VAC14: variants seen among roughly 807,000 people sequenced by gnomAD.
VAC14 encodes the protein VAC14 component of PIKFYVE complex.
Under a neutral mutation model 85.3 loss-of-function variants are expected in VAC14, and 47 were observed. The observed-to-expected ratio is 0.55, with a 90% CI of 0.44 to 0.70. VAC14 has a LOEUF of 0.70. Among genes scored for constraint, VAC14 ranks in the 30% least tolerant of loss-of-function variants. The pLI is 0.00. For missense variants in VAC14, 861 were observed against 1,004.3 expected (o/e 0.86, Z 1.93); for synonymous variants, 447 against 430.5 (o/e 1.04, Z -0.47).
At chr16:70,768,726 A>G in intron 10 of VAC14, 1 of 430,250 alleles carries the variant, frequency 2.3e-6, no homozygotes, top group South Asian at 1.6e-5. Flanking sequence ...TTCATAAAAA[A>G]TCTGGGATGC....
At chr16:70,721,707 G>A (rs117006983) in intron 14 of VAC14, among the ~76,000 whole-genome samples, 2,046 of 152,284 alleles carry the variant, frequency 0.013, 32 homozygotes, top group Non-Finnish European at 0.018. Flanking sequence ...CAGCCATTGT[G>A]CCTCTCTGGG....
At chr16:70,774,653 G>A (rs2033422085) in intron 9 of VAC14, among the ~76,000 whole-genome samples, 1 of 151,898 alleles carries the variant, frequency 6.6e-6, no homozygotes, top group South Asian at 2.1e-4. Flanking sequence ...TTTGCCTGAT[G>A]GTGATTTCTG....
chr16:70,784,381 C>T (rs1239128341), intron 4 of VAC14, among the ~76,000 whole-genome samples, 161 bp from the exon 5 acceptor site: 6 of 152,166 alleles, frequency 3.9e-5, no homozygotes, highest in Non-Finnish European at 8.8e-5. Context: ...TTCATCCTGT[C>T]CCAGTCCACG....
chr16:70,765,045 C>T (rs1160616202), intron 10 of VAC14, among the ~76,000 whole-genome samples: 1 of 152,178 alleles, frequency 6.6e-6, no homozygotes, highest in East Asian at 1.9e-4. Flanking sequence ...AGAGATGCCG[C>T]CCTACAGCCC....
chr16:70,751,631 A>G (rs879682546), intron 12 of VAC14, among the ~76,000 whole-genome samples: 1 of 152,198 alleles, frequency 6.6e-6, no homozygotes, highest in Admixed American at 6.5e-5. Flanking sequence ...CACATATGGA[A>G]TGGCTCTTGT....
chr16:70,782,068 A>G, intron 7 of VAC14, 65 bp from the exon 8 acceptor site: 1 of 1,580,112 alleles, frequency 6.3e-7, no homozygotes, highest in East Asian at 2.3e-5. Context: ...CCTCCCATTG[A>G]CCATACACGT....
At chr16:70,718,907 C>T (rs1324987934) in intron 14 of VAC14, among the ~76,000 whole-genome samples, 2 of 152,204 alleles carry the variant, frequency 1.3e-5, no homozygotes, top group African/African-American at 4.8e-5. Context: ...ACAAAGACTG[C>T]AGAGATCTTG....
At chr16:70,761,062 T>A in intron 12 of VAC14, 1 of 386,328 alleles carries the variant, frequency 2.6e-6, no homozygotes, top group Non-Finnish European at 5.2e-6. Context: ...AAGGGCATAC[T>A]CACAGACCAT....
Position 70,780,730 on chromosome 16 carries a change from T to C in VAC14, c.1096+60A>G, listed in dbSNP as rs1015328674. The C allele has an allele frequency of 1.1e-5, 17 of 1,519,162 alleles. No homozygotes were observed. The Admixed American group carries it at 3.6e-4, about 32-fold the overall frequency. 94.1% of individuals were successfully genotyped at this position (1,519,162 alleles called of 1,614,324 possible). Reference sequence around the variant, plus strand: ...AAGTGAGGCCCCAAGGCAACTCCTATGACATCTGGCTCCCTGGGCCCCCGA... The same window carrying C: ...AAGTGAGGCCCCAAGGCAACTCCTACGACATCTGGCTCCCTGGGCCCCCGA... On this transcript the variant is annotated intron_variant, in intron 9 of 18. Transcript: ENST00000261776.
intron 13 of VAC14, among the ~76,000 whole-genome samples, chr16:70,737,234 G>GC (rs1297852149): frequency 1.3e-5 from 2 of 152,256 alleles, no homozygotes; most frequent in African/African-American, 2.4e-5. Flanking sequence ...GCTGGGTGCT[G>GC]CAGGCGCATG....
intron 6 of VAC14, 101 bp from the exon 7 acceptor site, chr16:70,783,240 C>A: frequency 7.6e-7 from 1 of 1,313,206 alleles, no homozygotes; most frequent in East Asian, 2.3e-5. Context: ...ACCCAGAGGG[C>A]GGCTTGGCTT....
intron 13 of VAC14, among the ~76,000 whole-genome samples, chr16:70,733,758 T>C (rs571756668): frequency 1.3e-5 from 2 of 152,168 alleles, no homozygotes; most frequent in Non-Finnish European, 2.9e-5. Context: ...ATGCTTTCTA[T>C]AAAGCCTGCA....
chr16:70,746,118 A>G (rs2030869174), intron 12 of VAC14, among the ~76,000 whole-genome samples: 1 of 152,200 alleles, frequency 6.6e-6, no homozygotes, highest in Non-Finnish European at 1.5e-5. Flanking sequence ...CAATGCAAAC[A>G]CAGTGCCAGT....
At chr16:70,695,343 C>T (rs2053685268) in intron 17 of VAC14, among the ~76,000 whole-genome samples, 3 of 152,176 alleles carry the variant, frequency 2.0e-5, no homozygotes, top group East Asian at 3.9e-4. Flanking sequence ...GAACTCCTGC[C>T]GTTAAGAGAT....
intron 13 of VAC14, among the ~76,000 whole-genome samples, chr16:70,740,750 C>A (rs1374571272): frequency 6.6e-6 from 1 of 152,230 alleles, no homozygotes; most frequent in Non-Finnish European, 1.5e-5. Flanking sequence ...TGCCCCCAGG[C>A]CACTCTCTCC....
At chr16:70,737,105 C>T (rs1257696939) in intron 13 of VAC14, among the ~76,000 whole-genome samples, 5 of 152,272 alleles carry the variant, frequency 3.3e-5, no homozygotes, top group East Asian at 1.9e-4. Flanking sequence ...AAGCTCACCC[C>T]GGGAGGGTGA....
chr16:70,737,217 G>A (rs922747698), intron 13 of VAC14, among the ~76,000 whole-genome samples: 2 of 152,212 alleles, frequency 1.3e-5, no homozygotes, highest in African/African-American at 2.4e-5. Context: ...TGTAAGCAGG[G>A]TCCTGGGCTG....
intron 14 of VAC14, among the ~76,000 whole-genome samples, chr16:70,701,796 C>T (rs2053833435): frequency 6.6e-6 from 1 of 152,238 alleles, no homozygotes; most frequent in South Asian, 2.1e-4. Flanking sequence ...TCCAGCCTCC[C>T]TCTTGCTGTC....
intron 17 of VAC14, among the ~76,000 whole-genome samples, chr16:70,694,887 G>C (rs537377426): frequency 6.6e-6 from 1 of 152,214 alleles, no homozygotes; most frequent in African/African-American, 2.4e-5. Flanking sequence ...CCTGCAGAGG[G>C]ACTCGGGACC....
Sources: gnomAD v4.1 joint callset for allele counts (sites outside exome capture counted in the v4.1 genomes callset) on GRCh38, gnomAD v4.1.1 for gene constraint, MANE v1.5 for transcripts, NCBI Gene and HGNC (gene_info 2026-07-23, HGNC 2026-07-21) for gene names.